PTPN14: variants seen among roughly 807,000 people sequenced by gnomAD.
PTPN14 encodes protein tyrosine phosphatase non-receptor type 14, also known as tyrosine-protein phosphatase non-receptor type 14.
PTPN14 carries 53 observed loss-of-function variants against 126.8 expected under a neutral mutation model. That is an observed-to-expected ratio of 0.42 (90% CI 0.34 to 0.53). The LOEUF (loss-of-function observed/expected upper bound fraction) is 0.53, where lower values mean the gene tolerates loss of function less well. Ranked by LOEUF, PTPN14 falls within the 20% of genes least tolerant of loss-of-function variation. The pLI, the probability that PTPN14 is intolerant of heterozygous loss-of-function variation, is 0.08. For synonymous variants in PTPN14, 630 were observed against 599.3 expected, an observed-to-expected ratio of 1.05 and a Z score of -0.75; for missense variants, 1,257 against 1,552.9, an observed-to-expected ratio of 0.81 and a Z score of 3.20.
At chr1:214,398,613 A>ATTTTT (rs56339386) in intron 7 of PTPN14, among the ~76,000 whole-genome samples, 9,184 of 108,622 alleles carry the variant, frequency 0.085, 683 homozygotes, top group East Asian at 0.15. Flanking sequence ...TGCCCTGCTA[A>ATTTTT]TTTTTTTTTT....
At chr1:214,526,145 T>C (rs1391352566) in intron 1 of PTPN14, among the ~76,000 whole-genome samples, 1 of 151,938 alleles carries the variant, frequency 6.6e-6, no homozygotes, top group African/African-American at 2.4e-5. Flanking sequence ...TTTATATTTT[T>C]AGTAGACAGG....
chr1:214,401,504 C>T (rs185533697), intron 7 of PTPN14, among the ~76,000 whole-genome samples, 181 bp downstream of exon 7: 2 of 152,318 alleles, frequency 1.3e-5, no homozygotes, highest in Admixed American at 1.3e-4. Context: ...CCATGGCAAA[C>T]TTCAAAACGT....
chr1:214,395,588 AACACACACACACACACACAC>A (rs57357032), intron 8 of PTPN14, among the ~76,000 whole-genome samples: 2 of 132,472 alleles, frequency 1.5e-5, no homozygotes, highest in African/African-American at 2.8e-5. Context: ...GGGACCCAAC[AACACACACACACACACACAC>A]ACACACACAC....
intron 5 of PTPN14, among the ~76,000 whole-genome samples, chr1:214,408,890 C>A (rs547630594): frequency 2.6e-5 from 4 of 152,078 alleles, no homozygotes; most frequent in African/African-American, 7.2e-5. Context: ...AGCCAGCGTG[C>A]CAGAGGGTAG....
intron 3 of PTPN14, among the ~76,000 whole-genome samples, chr1:214,425,629 GA>G (rs1467286780): frequency 4.6e-5 from 7 of 152,070 alleles, no homozygotes; most frequent in Non-Finnish European, 1.5e-5. Flanking sequence ...CTGGCTGAAA[GA>G]AACTTTACGT....
intron 8 of PTPN14, among the ~76,000 whole-genome samples, chr1:214,396,599 C>G (rs1294776194): frequency 6.6e-6 from 1 of 152,192 alleles, no homozygotes; most frequent in African/African-American, 2.4e-5. Flanking sequence ...CATGACACTA[C>G]AGTAGATGTG....
intron 1 of PTPN14, among the ~76,000 whole-genome samples, chr1:214,489,374 T>C (rs1022358944): frequency 1.3e-5 from 2 of 152,124 alleles, no homozygotes; most frequent in African/African-American, 4.8e-5. Flanking sequence ...GCCCACCCTT[T>C]TCCCATATGC....
chr1:214,426,726 T>G (rs1659672363), intron 3 of PTPN14, among the ~76,000 whole-genome samples: 1 of 152,162 alleles, frequency 6.6e-6, no homozygotes, highest in African/African-American at 2.4e-5. Flanking sequence ...ATCCTAGACT[T>G]AAGAACTTAA....
At chr1:214,408,610 T>C (rs959380869) in intron 5 of PTPN14, among the ~76,000 whole-genome samples, 3 of 152,236 alleles carry the variant, frequency 2.0e-5, no homozygotes, top group Non-Finnish European at 4.4e-5. Context: ...ACTGACCATC[T>C]AGCTGACAAT....
chr1:214,351,200 C>G lies in PTPN14; in HGVS notation c.*6722G>C, dbSNP rs796793218. On this transcript the variant is annotated 3_prime_UTR_variant, in exon 19 of 19. Transcript: ENST00000366956. ...TCTCTACTAAAAATATAAAAATTAGCCGGGTGTGGTGGTGCACGCCTATAA... is the reference window on the plus strand; with the variant it reads ...TCTCTACTAAAAATATAAAAATTAGGCGGGTGTGGTGGTGCACGCCTATAA... 2.0e-4 allele frequency: 30 copies of G among 151,286 alleles called. No homozygotes were observed. The highest frequency in any genetic ancestry group is 6.8e-4 in the African/African-American group (28 of 41,244). The allele number at this position is 151,286 out of a possible 1,614,324, so 9.4% of individuals were successfully genotyped here. A position where few individuals can be genotyped will look rare whatever the true frequency, so the allele number is the denominator to read the frequency against.
chr1:214,393,176 A>T (rs1658797480), intron 10 of PTPN14, among the ~76,000 whole-genome samples: 1 of 152,178 alleles, frequency 6.6e-6, no homozygotes, highest in South Asian at 2.1e-4. Flanking sequence ...TGTGACACCT[A>T]TGAGTGTCTT....
intron 1 of PTPN14, among the ~76,000 whole-genome samples, chr1:214,499,059 C>T (rs922618044): frequency 6.6e-6 from 1 of 152,102 alleles, no homozygotes; most frequent in Non-Finnish European, 1.5e-5. Context: ...CCCACCTCTG[C>T]CTCCCAAAGT....
intron 1 of PTPN14, among the ~76,000 whole-genome samples, chr1:214,473,722 G>C (rs929012699): frequency 1.3e-5 from 2 of 152,128 alleles, no homozygotes; most frequent in African/African-American, 4.8e-5. Flanking sequence ...CTAAAAGAAG[G>C]GATGAGGTGG....
intron 5 of PTPN14, among the ~76,000 whole-genome samples, chr1:214,405,509 T>C (rs1659144487): frequency 6.6e-6 from 1 of 152,000 alleles, no homozygotes. Flanking sequence ...CTATGCGACA[T>C]GTAAATTTCA....
intron 1 of PTPN14, among the ~76,000 whole-genome samples, chr1:214,523,689 G>T (rs556357972): frequency 4.6e-5 from 7 of 152,154 alleles, no homozygotes; most frequent in Admixed American, 4.6e-4. Context: ...ACTTCCGGAG[G>T]TATCTGGGCT....
intron 1 of PTPN14, among the ~76,000 whole-genome samples, chr1:214,494,216 G>A (rs576359536): frequency 3.2e-4 from 49 of 152,144 alleles, no homozygotes; most frequent in African/African-American, 1.1e-3. Flanking sequence ...GACTACAGGC[G>A]CCCAGCTAAT....
chr1:214,537,887 C>G (rs79382153), intron 1 of PTPN14, among the ~76,000 whole-genome samples: 4,735 of 152,198 alleles, frequency 0.031, 275 homozygotes, highest in East Asian at 0.26. Flanking sequence ...TAAATCAAGA[C>G]AGGTGAAATT....
At chr1:214,513,569 T>C (rs1655028074) in intron 1 of PTPN14, among the ~76,000 whole-genome samples, 1 of 152,198 alleles carries the variant, frequency 6.6e-6, no homozygotes, top group Non-Finnish European at 1.5e-5. Flanking sequence ...CACCACTCTC[T>C]GTGTGCTACG....
intron 3 of PTPN14, among the ~76,000 whole-genome samples, chr1:214,420,939 GA>G (rs1659529632): frequency 6.6e-6 from 1 of 152,220 alleles, no homozygotes; most frequent in Non-Finnish European, 1.5e-5. Flanking sequence ...ATGTTAAAAT[GA>G]AATGAGTCTG....
Sources: allele counts gnomAD v4.1 joint callset (sites outside exome capture counted in the v4.1 genomes callset), GRCh38; gene constraint gnomAD v4.1.1; transcripts MANE v1.5; gene names NCBI Gene and HGNC (gene_info 2026-07-23, HGNC 2026-07-21).